Variants in FOCAD observed in about 807,000 individuals in gnomAD.
FOCAD encodes the protein focadhesin, also known as KIAA1797.
Under a neutral mutation model 225.6 loss-of-function variants are expected in FOCAD, and 198 were observed. That is an observed-to-expected ratio of 0.88 (90% CI 0.78 to 0.99). The LOEUF (loss-of-function observed/expected upper bound fraction) is 0.99, where lower values mean the gene tolerates loss of function less well. Among genes scored for constraint, FOCAD ranks in the 50% least tolerant of loss-of-function variants. The pLI is 0.00. For synonymous variants in FOCAD, 897 were observed against 755.0 expected, an observed-to-expected ratio of 1.19 and a Z score of -3.08; for missense variants, 2,713 against 2,123.6, an observed-to-expected ratio of 1.28 and a Z score of -5.46.
intron 35 of FOCAD, among the ~76,000 whole-genome samples, chr9:20,967,896 T>C (rs1839407994): frequency 6.6e-6 from 1 of 152,164 alleles, no homozygotes; most frequent in South Asian, 2.1e-4. Flanking sequence ...AATTTTTGCA[T>C]CTATATTCAT....
At chr9:20,949,727 G>A (rs1837516978) in intron 33 of FOCAD, 52 bp downstream of exon 33, 9 of 1,421,312 alleles carry the variant, frequency 6.3e-6, no homozygotes, top group Non-Finnish European at 8.9e-6. Context: ...CCCCTTTGTT[G>A]TCTTTTTTTC....
At chr9:20,665,075 A>T (rs1477522298) in intron 2 of FOCAD, among the ~76,000 whole-genome samples, 2 of 152,284 alleles carry the variant, frequency 1.3e-5, no homozygotes, top group East Asian at 3.9e-4. Flanking sequence ...AGAGTACTCC[A>T]GTATGGGGGT....
intron 1 of FOCAD, among the ~76,000 whole-genome samples, chr9:20,703,859 A>T (rs1824171106): frequency 1.3e-5 from 2 of 152,204 alleles, no homozygotes; most frequent in African/African-American, 4.8e-5. Flanking sequence ...TTGTTTAACC[A>T]ATGAGGAAAC....
At chr9:20,691,671 C>T (rs1013901421) in intron 1 of FOCAD, among the ~76,000 whole-genome samples, 7 of 150,980 alleles carry the variant, frequency 4.6e-5, no homozygotes, top group African/African-American at 9.8e-5. Flanking sequence ...TTAGTAGAGA[C>T]GGGTTTCACC....
chr9:20,798,763 G>A (rs189243705), intron 11 of FOCAD, among the ~76,000 whole-genome samples: 5,809 of 151,550 alleles, frequency 0.038, 146 homozygotes, highest in African/African-American at 0.072. Context: ...TCTTGCTAGT[G>A]GTCTATCAGT....
chr9:20,957,887 T>C (rs1838350797), intron 35 of FOCAD, among the ~76,000 whole-genome samples: 1 of 152,032 alleles, frequency 6.6e-6, no homozygotes, highest in South Asian at 2.1e-4. Context: ...AGTAATGTAG[T>C]GAGCAGGAGT....
At chr9:20,755,795 A>G (rs1828992707) in intron 5 of FOCAD, among the ~76,000 whole-genome samples, 1 of 151,974 alleles carries the variant, frequency 6.6e-6, no homozygotes, top group Non-Finnish European at 1.5e-5. Flanking sequence ...CTTCCTTTTT[A>G]TGTAGTGAGT....
chr9:20,772,371 G>A (rs926766656), intron 8 of FOCAD, among the ~76,000 whole-genome samples: 1 of 152,150 alleles, frequency 6.6e-6, no homozygotes, highest in African/African-American at 2.4e-5. Context: ...TTGGGGTGGG[G>A]ATTTTAAACA....
Position 20,778,725 on chromosome 9 carries a change from T to A in FOCAD, c.951T>A (p.Leu317=), listed in dbSNP as rs777545373. The change falls in exon 9 of 44, where the codon CTT becomes CTA. Residue 317 remains leucine, a synonymous_variant. Coordinates refer to ENST00000338382, the MANE Select transcript of FOCAD (RefSeq NM_001375567.1). ...TCATAATTGGAATAGCTTTACTACTTCTACAGACTCCAGCAAGTCAGCAGA... is the reference window on the plus strand; with the variant it reads ...TCATAATTGGAATAGCTTTACTACTACTACAGACTCCAGCAAGTCAGCAGA... ...ELVIIGIALL[L]LQTPASQQKP... The A allele has an allele frequency of 6.2e-7, 1 of 1,612,556 alleles. No homozygotes were observed. Among genetic ancestry groups the A allele is most frequent in the East Asian group, 2.2e-5 (1 of 44,852 alleles).
At chr9:20,748,598 A>AAC (rs1268624340) in intron 5 of FOCAD, among the ~76,000 whole-genome samples, 3 of 152,160 alleles carry the variant, frequency 2.0e-5, no homozygotes, top group African/African-American at 7.2e-5. Context: ...ACTCCTGAAA[A>AAC]AGCCCAATGG....
intron 11 of FOCAD, among the ~76,000 whole-genome samples, chr9:20,803,644 A>G (rs1392000397): frequency 6.6e-6 from 1 of 152,130 alleles, no homozygotes; most frequent in African/African-American, 2.4e-5. Flanking sequence ...TGAAAGAAGC[A>G]GGATTCCTAA....
chr9:20,690,248 A>C (rs1822894523), intron 1 of FOCAD, among the ~76,000 whole-genome samples: 1 of 152,174 alleles, frequency 6.6e-6, no homozygotes, highest in Non-Finnish European at 1.5e-5. Flanking sequence ...TACCTTCCGA[A>C]GGATTTGGCT....
At chr9:20,941,940 G>A (rs1182547568) in intron 28 of FOCAD, among the ~76,000 whole-genome samples, 1 of 152,118 alleles carries the variant, frequency 6.6e-6, no homozygotes, top group African/African-American at 2.4e-5. Flanking sequence ...GCACCTGGGG[G>A]AACATTTTAA....
At chr9:20,963,430 C>T (rs946767419) in intron 35 of FOCAD, among the ~76,000 whole-genome samples, 10 of 152,166 alleles carry the variant, frequency 6.6e-5, no homozygotes, top group African/African-American at 2.2e-4. Flanking sequence ...GCAGGCTGGA[C>T]GCCTTGCCTG....
rs1471248548 is a variant in FOCAD at position 20,815,132 on chromosome 9, TTTTTG to T, written c.1456-4659_1456-4655del. Among the ~76,000 whole-genome samples the T allele has an allele frequency of 4.4e-3, 380 of 86,026 alleles. 29 individuals carry two copies. The highest frequency in any genetic ancestry group is 0.032 in the East Asian group (115 of 3,638). 56.4% of individuals were successfully genotyped at this position (86,026 alleles called of 152,430 possible). A position where few individuals can be genotyped will look rare whatever the true frequency, so the allele number is the denominator to read the frequency against. ...ATCATTACTTCTCTTTGTTTTTTTTTTTTTGTTTTTTTTTTTTTTTTTGAGACAGT... is the reference window on the plus strand; with the variant it reads ...ATCATTACTTCTCTTTGTTTTTTTTTTTTTTTTTTTTTTTTTTGAGACAGT... On this transcript the variant is annotated intron_variant, in intron 11 of 43. Coordinates refer to ENST00000338382, the MANE Select transcript of FOCAD (RefSeq NM_001375567.1).
intron 9 of FOCAD, among the ~76,000 whole-genome samples, chr9:20,780,032 C>T (rs916190160): frequency 6.6e-6 from 1 of 152,124 alleles, no homozygotes; most frequent in Admixed American, 6.5e-5. Context: ...ATAATTTACC[C>T]GTGCTGGTAC....
At chr9:20,681,230 C>T (rs576021238), upstream of FOCAD, among the ~76,000 whole-genome samples, 4 of 152,186 alleles carry the variant, frequency 2.6e-5, no homozygotes, top group East Asian at 7.7e-4. Context: ...CAAGTATAAC[C>T]TATTATCATT....
At chr9:20,713,588 C>T (rs558006839) in intron 1 of FOCAD, among the ~76,000 whole-genome samples, 1 of 152,140 alleles carries the variant, frequency 6.6e-6, no homozygotes, top group Non-Finnish European at 1.5e-5. Context: ...TTATCTGCTG[C>T]TTTCTACTAG....
intron 15 of FOCAD, among the ~76,000 whole-genome samples, chr9:20,829,043 G>A (rs574835393): frequency 3.3e-5 from 5 of 152,184 alleles, no homozygotes; most frequent in African/African-American, 1.2e-4. Context: ...ATCATTGATG[G>A]GCATTTGGGA....
Sources: allele counts gnomAD v4.1 joint callset (sites outside exome capture counted in the v4.1 genomes callset), GRCh38; gene constraint gnomAD v4.1.1; transcripts MANE v1.5; gene names NCBI Gene and HGNC (gene_info 2026-07-23, HGNC 2026-07-21).